The following TRERF1 variants were observed in gnomAD, a reference collection of about 807,000 sequenced individuals.
The protein encoded by TRERF1 is transcriptional-regulating factor 1.
Under a neutral mutation model 122.9 loss-of-function variants are expected in TRERF1, and 27 were observed. The observed-to-expected ratio is 0.22, with a 90% CI of 0.16 to 0.30. The LOEUF is 0.30. Ranked by LOEUF, TRERF1 falls within the 10% of genes least tolerant of loss-of-function variation. TRERF1 has a pLI of 1.00. For missense variants in TRERF1, 1,248 were observed against 1,560.3 expected (o/e 0.80, Z 3.37); for synonymous variants, 636 against 641.7 (o/e 0.99, Z 0.13).
At chr6:42,441,576 T>C (rs1267734957) in intron 2 of TRERF1, among the ~76,000 whole-genome samples, 1 of 152,158 alleles carries the variant, frequency 6.6e-6, no homozygotes, top group Non-Finnish European at 1.5e-5. Context: ...TCTGGTCTTC[T>C]TCAGTGGCTG....
intron 2 of TRERF1, among the ~76,000 whole-genome samples, chr6:42,403,898 T>A (rs2151376743): frequency 6.6e-6 from 1 of 152,250 alleles, no homozygotes; most frequent in South Asian, 2.1e-4. Context: ...CTTGCTGGGC[T>A]CATCCGCACT....
At chr6:42,295,802 AG>A (rs1785010602) in intron 4 of TRERF1, among the ~76,000 whole-genome samples, 1 of 152,192 alleles carries the variant, frequency 6.6e-6, no homozygotes, top group African/African-American at 2.4e-5. Flanking sequence ...ATTCTTTTAT[AG>A]TACTTGCCCA....
At chr6:42,292,606 G>A (rs551933478) in intron 4 of TRERF1, among the ~76,000 whole-genome samples, 83 of 152,286 alleles carry the variant, frequency 5.5e-4, no homozygotes, top group African/African-American at 1.9e-3. Context: ...CAATTCAAGG[G>A]GTGCAAAAGA....
chr6:42,231,557 C>T (rs1309998744), intron 17 of TRERF1, among the ~76,000 whole-genome samples: 2 of 152,164 alleles, frequency 1.3e-5, no homozygotes, highest in African/African-American at 4.8e-5. Flanking sequence ...ACTTGGGCAG[C>T]ATCTCTCCCA....
intron 2 of TRERF1, among the ~76,000 whole-genome samples, chr6:42,445,397 A>C (rs1582286233): frequency 6.8e-6 from 1 of 146,772 alleles, no homozygotes. Flanking sequence ...CACAGCACAC[A>C]CCTCCTTCAC....
At chr6:42,243,485 T>C (rs1429203396) in intron 14 of TRERF1, 124 bp from the exon 15 acceptor site, 10 of 643,210 alleles carry the variant, frequency 1.6e-5, no homozygotes, top group East Asian at 5.8e-5. Context: ...AAGAAAAAAA[T>C]GTACCTGGTG....
At chr6:42,400,314 A>G (rs1300232228) in intron 2 of TRERF1, among the ~76,000 whole-genome samples, 1 of 152,228 alleles carries the variant, frequency 6.6e-6, no homozygotes, top group Non-Finnish European at 1.5e-5. Flanking sequence ...AGCTGATGAC[A>G]GCTGCGCAGC....
At chr6:42,249,212 A>G (rs1582551539) in intron 13 of TRERF1, among the ~76,000 whole-genome samples, 2 of 152,186 alleles carry the variant, frequency 1.3e-5, no homozygotes, top group South Asian at 4.1e-4. Context: ...GAAACCCTCA[A>G]CTAGATCAAT....
At chr6:42,347,898 G>A (rs1168226780) in intron 3 of TRERF1, among the ~76,000 whole-genome samples, 4 of 152,224 alleles carry the variant, frequency 2.6e-5, no homozygotes, top group Admixed American at 6.5e-5. Context: ...AATACCGAAC[G>A]GGGAGCATTT....
chr6:42,376,998 T>C (rs1250766747), intron 2 of TRERF1, among the ~76,000 whole-genome samples: 1 of 152,020 alleles, frequency 6.6e-6, no homozygotes, highest in African/African-American at 2.4e-5. Flanking sequence ...CCCAAGTAGC[T>C]GGAATTACAG....
intron 3 of TRERF1, among the ~76,000 whole-genome samples, chr6:42,305,194 G>A (rs1786967233): frequency 6.6e-6 from 1 of 152,154 alleles, no homozygotes; most frequent in African/African-American, 2.4e-5. Flanking sequence ...AGCTTTAAGG[G>A]CCAAATCCCA....
chr6:42,232,287 G>A lies in TRERF1; in HGVS notation c.3278+394C>T, dbSNP rs555044114. ...GGATTACCCTGTATGAGCCATCTGT[G>A]TTACAGAGAGTTCCTGATTAGATGT... On this transcript the variant is annotated intron_variant, in intron 17 of 17. Transcript: ENST00000372922. The surrounding 1 kb of genome is among the most constrained non-coding windows in gnomAD (Gnocchi z 4.5). Among the ~76,000 whole-genome samples, 1 of 152,338 alleles carries A rather than the reference G, an allele frequency of 6.6e-6. No homozygotes were observed. The highest frequency in any genetic ancestry group is 1.5e-5 in the Non-Finnish European group (1 of 68,032).
intron 3 of TRERF1, among the ~76,000 whole-genome samples, chr6:42,312,163 A>G (rs991506761): frequency 2.6e-5 from 4 of 152,130 alleles, no homozygotes; most frequent in African/African-American, 9.7e-5. Context: ...ATGAGGGCAG[A>G]TTAACAGGAG....
At chr6:42,250,741 G>T (rs1229883025) in intron 13 of TRERF1, among the ~76,000 whole-genome samples, 1 of 152,076 alleles carries the variant, frequency 6.6e-6, no homozygotes, top group Non-Finnish European at 1.5e-5. Context: ...GATGATTAAG[G>T]CTAATTACAA....
intron 3 of TRERF1, among the ~76,000 whole-genome samples, chr6:42,317,418 GAT>G (rs1762675001): frequency 6.6e-6 from 1 of 152,062 alleles, no homozygotes; most frequent in African/African-American, 2.4e-5. Flanking sequence ...GCAGTGGCAT[GAT>G]CATGGCTTGC....
At chr6:42,356,174 C>T (rs549773638) in intron 3 of TRERF1, among the ~76,000 whole-genome samples, 1 of 152,342 alleles carries the variant, frequency 6.6e-6, no homozygotes, top group African/African-American at 2.4e-5. Context: ...CTAAGGCTTT[C>T]TGTACTGCAG....
chr6:42,233,540 CT>C (rs961431685), intron 16 of TRERF1, among the ~76,000 whole-genome samples: 5 of 152,194 alleles, frequency 3.3e-5, no homozygotes, highest in Admixed American at 3.3e-4. Context: ...CCGCCTTGGC[CT>C]CCCAAAGTGC....
chr6:42,290,333 G>T (rs1784091677), intron 4 of TRERF1, among the ~76,000 whole-genome samples: 1 of 152,168 alleles, frequency 6.6e-6, no homozygotes, highest in African/African-American at 2.4e-5. Flanking sequence ...CGCGACTTTT[G>T]CTTCCACAGT....
intron 3 of TRERF1, among the ~76,000 whole-genome samples, chr6:42,314,139 T>G (rs1035476139): frequency 6.6e-6 from 1 of 151,926 alleles, no homozygotes; most frequent in Non-Finnish European, 1.5e-5. Context: ...GAAGACAAAC[T>G]AATTACTTTT....
Sources: allele counts gnomAD v4.1 joint callset (sites outside exome capture counted in the v4.1 genomes callset), GRCh38; gene constraint gnomAD v4.1.1; non-coding constraint Gnocchi (gnomAD v3.1); transcripts MANE v1.5; gene names NCBI Gene and HGNC (gene_info 2026-07-23, HGNC 2026-07-21).